PLCL2: variants seen among roughly 807,000 people sequenced by gnomAD.
PLCL2 encodes the protein inactive phospholipase C-like protein 2.
PLCL2 carries 4 observed loss-of-function variants against 79.6 expected under a neutral mutation model. That is an observed-to-expected ratio of 0.05 (90% CI 0.02 to 0.11). PLCL2 has a LOEUF of 0.11. PLCL2 is among the 10% of genes least tolerant of loss of function. The pLI is 1.00. For missense variants in PLCL2, 895 were observed against 1,291.0 expected (o/e 0.69, Z 4.70); for synonymous variants, 484 against 457.7 (o/e 1.06, Z -0.73).
chr3:16,990,682 C>G (rs1274527206), intron 1 of PLCL2, among the ~76,000 whole-genome samples: 1 of 152,156 alleles, frequency 6.6e-6, no homozygotes, highest in Non-Finnish European at 1.5e-5. Context: ...TGTGCCTTAT[C>G]AAACCCTTTA....
At chr3:16,985,392 G>A (rs2064039121) in intron 1 of PLCL2, among the ~76,000 whole-genome samples, 1 of 152,072 alleles carries the variant, frequency 6.6e-6, no homozygotes, top group Non-Finnish European at 1.5e-5. Flanking sequence ...GGCCAAAATA[G>A]AAAACATAAA....
Position 16,885,263 on chromosome 3 carries a change from G to A in PLCL2, c.224G>A (p.Gly75Glu). 1 of 667,050 alleles carries A rather than the reference G, an allele frequency of 1.5e-6. No individual in the cohort carries two copies. The allele number at this position is 667,050 out of a possible 1,614,324, so 41.3% of individuals were successfully genotyped here. ...GAAGCCCGGGCTAGCCCTACCAGGG[G>A]ACCCCGCGGCGTTGCGCTCGCCCCG... ...GDEARASPTRGPRGVALAPTP... is the reference protein window; with the variant it reads ...GDEARASPTREPRGVALAPTP... The change falls in exon 1 of 6, where the codon GGA becomes GAA. Residue 75 changes from glycine to glutamate, a missense_variant. Gly to Glu is a moderately conservative substitution (Grantham distance 98). Coordinates refer to ENST00000615277, the MANE Select transcript of PLCL2 (RefSeq NM_001144382.2).
At chr3:16,960,022 G>A (rs543055903) in intron 1 of PLCL2, among the ~76,000 whole-genome samples, 1 of 152,164 alleles carries the variant, frequency 6.6e-6, no homozygotes, top group Non-Finnish European at 1.5e-5. Flanking sequence ...GGAGAATGGC[G>A]TGAACCTGGG....
chr3:16,982,847 C>T (rs1020665960), intron 1 of PLCL2, among the ~76,000 whole-genome samples: 10 of 152,156 alleles, frequency 6.6e-5, no homozygotes, highest in Admixed American at 6.5e-4. Flanking sequence ...TAAATCCCTT[C>T]TTCCTTCTTT....
chr3:16,909,375 T>C (rs572724894), intron 1 of PLCL2, among the ~76,000 whole-genome samples: 9 of 152,334 alleles, frequency 5.9e-5, no homozygotes, highest in Admixed American at 4.6e-4. Context: ...AAGGAAATAA[T>C]AATAGTGTTC....
rs921483023 is a variant in PLCL2 at position 16,908,850 on chromosome 3, G to A, written c.327+23484G>A. Among the ~76,000 whole-genome samples the A allele has an allele frequency of 5.3e-5, 8 of 152,102 alleles. No homozygotes were observed. The East Asian group carries it at 1.5e-3, about 29-fold the overall frequency. On this transcript the variant is annotated intron_variant, in intron 1 of 5. Transcript: ENST00000615277. ...TTAATAAAAGTGTGATATGAGTAGA[G>A]ACTATTGGAAATATATAATGTATCA...
Position 16,974,213 on chromosome 3 carries a change from T to C in PLCL2, c.328-35461T>C, listed in dbSNP as rs558226091. ...ATCTTAATGAGGGCTATCTCTATCA[T>C]GAGAGGGGAGGGAAAACGTTAAAGA... On this transcript the variant is annotated intron_variant, in intron 1 of 5. Transcript: ENST00000615277. 6.6e-5 allele frequency among the ~76,000 whole-genome samples: 10 copies of C among 152,018 alleles called. 1 individual carries two copies. The highest frequency in any genetic ancestry group is 2.4e-4 in the African/African-American group (10 of 41,446).
intron 1 of PLCL2, among the ~76,000 whole-genome samples, chr3:17,007,713 G>A (rs1012645751): frequency 1.3e-5 from 2 of 152,200 alleles, no homozygotes; most frequent in Non-Finnish European, 2.9e-5. Context: ...TTCAGAGATA[G>A]AGTATAGCAT....
chr3:16,900,819 C>CA (rs1559480437), intron 1 of PLCL2, among the ~76,000 whole-genome samples: 1 of 152,182 alleles, frequency 6.6e-6, no homozygotes, highest in Non-Finnish European at 1.5e-5. Flanking sequence ...GCTTTGGACT[C>CA]AGATCTGCTG....
intron 2 of PLCL2, 56 bp downstream of exon 2, chr3:17,012,216 A>G (rs1328792069): frequency 1.4e-6 from 2 of 1,463,858 alleles, no homozygotes; most frequent in African/African-American, 1.4e-5. Context: ...GTACATGTCC[A>G]TAGTTTATAA....
intron 5 of PLCL2, among the ~76,000 whole-genome samples, chr3:17,074,551 GC>G (rs2065091552): frequency 6.6e-6 from 1 of 152,204 alleles, no homozygotes; most frequent in Non-Finnish European, 1.5e-5. Flanking sequence ...AACCCTTGAA[GC>G]CAAGCATTGA....
intron 5 of PLCL2, among the ~76,000 whole-genome samples, chr3:17,085,640 G>A (rs1405320824): frequency 2.0e-5 from 3 of 150,770 alleles, no homozygotes; most frequent in Non-Finnish European, 3.0e-5. Context: ...TAGTAGAGAC[G>A]GGGTTTCACC....
chr3:16,949,148 T>C (rs930804101), intron 1 of PLCL2, among the ~76,000 whole-genome samples: 4 of 152,234 alleles, frequency 2.6e-5, no homozygotes, highest in Admixed American at 2.0e-4. Flanking sequence ...AGAATCCTAG[T>C]ACATGACTCC....
intron 1 of PLCL2, among the ~76,000 whole-genome samples, chr3:16,889,889 G>A (rs936558785): frequency 6.6e-6 from 1 of 151,926 alleles, no homozygotes; most frequent in African/African-American, 2.4e-5. Flanking sequence ...TTTGAATGGG[G>A]GAAACAAAGA....
intron 3 of PLCL2, among the ~76,000 whole-genome samples, chr3:17,025,936 C>T (rs921767544): frequency 1.3e-5 from 2 of 152,154 alleles, no homozygotes; most frequent in Non-Finnish European, 2.9e-5. Context: ...CTCAGAGCAG[C>T]GCACGTGTCT....
At chr3:17,038,915 A>G (rs181946347) in intron 3 of PLCL2, among the ~76,000 whole-genome samples, 2 of 152,322 alleles carry the variant, frequency 1.3e-5, no homozygotes, top group Admixed American at 1.3e-4. Context: ...ACCAAACAGA[A>G]TACCAGTTTC....
intron 1 of PLCL2, among the ~76,000 whole-genome samples, chr3:16,970,058 A>ATATTT (rs1553640074): frequency 1.4e-5 from 2 of 145,764 alleles, no homozygotes; most frequent in Admixed American, 1.4e-4. Flanking sequence ...ATATATATAT[A>ATATTT]TTTTATTTTA....
At chr3:17,020,433 G>A (rs1000393664) in intron 3 of PLCL2, among the ~76,000 whole-genome samples, 6 of 152,098 alleles carry the variant, frequency 3.9e-5, no homozygotes, top group Admixed American at 6.6e-5. Flanking sequence ...CAGGCAGTAC[G>A]GTGGTTCACA....
At chr3:16,963,575 C>A (rs568081910) in intron 1 of PLCL2, among the ~76,000 whole-genome samples, 1 of 152,168 alleles carries the variant, frequency 6.6e-6, no homozygotes, top group African/African-American at 2.4e-5. Context: ...GTTTATTAAT[C>A]ATTTTCTCAT....
Sources: allele counts gnomAD v4.1 joint callset (sites outside exome capture counted in the v4.1 genomes callset), GRCh38; gene constraint gnomAD v4.1.1; transcripts MANE v1.5; gene names NCBI Gene and HGNC (gene_info 2026-07-23, HGNC 2026-07-21).